Variants in GORASP2 observed in about 807,000 individuals in gnomAD.
GORASP2 encodes the protein Golgi reassembly-stacking protein 2.
A neutral mutation model predicts 45.7 loss-of-function variants in GORASP2; 22 were observed. That is an observed-to-expected ratio of 0.48 (90% confidence interval 0.34 to 0.69). GORASP2 has a LOEUF of 0.69. Ranked by LOEUF, GORASP2 falls within the 30% of genes least tolerant of loss-of-function variation. The pLI is 0.01. For synonymous variants in GORASP2, 221 were observed against 215.6 expected, an observed-to-expected ratio of 1.02 and a Z score of -0.22; for missense variants, 491 against 562.7, an observed-to-expected ratio of 0.87 and a Z score of 1.29.
chr2:170,947,452 T>G (rs3770440), intron 1 of GORASP2, among the ~76,000 whole-genome samples: 31,795 of 152,178 alleles, frequency 0.21, 3,958 homozygotes, highest in Non-Finnish European at 0.29. Flanking sequence ...CCACAATTCC[T>G]TATCACTTTT....
At chr2:170,934,545 G>A (rs1196720027) in intron 1 of GORASP2, among the ~76,000 whole-genome samples, 5 of 152,110 alleles carry the variant, frequency 3.3e-5, no homozygotes, top group Admixed American at 2.6e-4. Context: ...ACAGGTGTTA[G>A]CCACCACGCC....
At chr2:170,929,597 C>T (rs1032677383) in intron 1 of GORASP2, 194 bp downstream of exon 1, 3 of 571,736 alleles carry the variant, frequency 5.2e-6, no homozygotes, top group Non-Finnish European at 9.4e-6. Flanking sequence ...GCGCCCTGGG[C>T]ACGGGGTCCG....
rs1175954361 is a variant in GORASP2 at position 170,929,327 on chromosome 2, G to T, written c.-14G>T. On this transcript the variant is annotated 5_prime_UTR_variant, in exon 1 of 10. Transcript: ENST00000234160. ...GCGCGGAGCCCGGCTCGGCCACACC[G>T]ATCGCCCGCCGCCATGGGCTCCTCG... 1.5e-6 allele frequency: 2 copies of T among 1,357,746 alleles called. No individual in the cohort carries two copies. Among genetic ancestry groups the T allele is most frequent in the African/African-American group, 1.5e-5 (1 of 65,626 alleles). 84.1% of individuals were successfully genotyped at this position (1,357,746 alleles called of 1,614,324 possible). A position where few individuals can be genotyped will look rare whatever the true frequency, so the allele number is the denominator to read the frequency against.
At chr2:170,952,092 G>A (rs946758580) in intron 5 of GORASP2, among the ~76,000 whole-genome samples, 2 of 152,204 alleles carry the variant, frequency 1.3e-5, no homozygotes, top group African/African-American at 4.8e-5. Flanking sequence ...TACATTTGCA[G>A]AGAAGCTGCT....
intron 7 of GORASP2, among the ~76,000 whole-genome samples, chr2:170,957,954 T>C (rs1277027120): frequency 1.3e-5 from 2 of 152,200 alleles, no homozygotes; most frequent in African/African-American, 4.8e-5. Context: ...TCATGGCTCC[T>C]AGCCTCATTA....
chr2:170,946,492 A>G (rs1291536893), intron 1 of GORASP2, among the ~76,000 whole-genome samples: 2 of 152,318 alleles, frequency 1.3e-5, no homozygotes, highest in East Asian at 3.9e-4. Flanking sequence ...GGGATGATAA[A>G]CATTTGAGTT....
chr2:170,953,649 G>T (rs1413314714), intron 5 of GORASP2, among the ~76,000 whole-genome samples: 3 of 152,168 alleles, frequency 2.0e-5, no homozygotes, highest in Non-Finnish European at 4.4e-5. Context: ...AGGGGTTTTG[G>T]GTTCAAATGG....
In GORASP2 at chr2:170,966,139, C is replaced by G; in HGVS notation, c.*9C>G. 1 of 1,600,178 alleles carries G rather than the reference C, an allele frequency of 6.2e-7. No homozygotes were observed. Among genetic ancestry groups the G allele is most frequent in the Non-Finnish European group, 8.6e-7 (1 of 1,167,322 alleles). ...CTTCTGAGTCACCTTAACTTTGAAC[C>G]ATTCTTTGGAATTGGCGTGGTATAT... On this transcript the variant is annotated 3_prime_UTR_variant, in exon 10 of 10. Coordinates refer to ENST00000234160, the MANE Select transcript of GORASP2 (RefSeq NM_015530.5).
intron 2 of GORASP2, 161 bp from the exon 3 acceptor site, chr2:170,949,378 T>C (rs1704245618): frequency 6.9e-6 from 4 of 578,676 alleles, no homozygotes; most frequent in Non-Finnish European, 1.2e-5. Flanking sequence ...TCTTAATTTC[T>C]TGACATTCTT....
intron 1 of GORASP2, among the ~76,000 whole-genome samples, chr2:170,940,282 A>G (rs894220391): frequency 2.0e-5 from 3 of 152,156 alleles, no homozygotes; most frequent in Admixed American, 2.0e-4. Context: ...TTTCTTTGTT[A>G]CTTTAAGGTA....
chr2:170,940,430 TAA>T (rs1475528353), intron 1 of GORASP2, among the ~76,000 whole-genome samples: 1 of 152,104 alleles, frequency 6.6e-6, no homozygotes, highest in Non-Finnish European at 1.5e-5. Flanking sequence ...AGTGAAGAAT[TAA>T]AGAGAGAAAG....
chr2:170,934,480 G>A lies in GORASP2; in HGVS notation c.63+5077G>A, dbSNP rs888315221. On this transcript the variant is annotated intron_variant, in intron 1 of 9. Coordinates refer to ENST00000234160, the MANE Select transcript of GORASP2 (RefSeq NM_015530.5). ...TCACCATGTTGGCCAGGCTGTTCTC[G>A]AACTCCTGACCTCAAGTGATCCACC... 2.0e-5 allele frequency among the ~76,000 whole-genome samples: 3 copies of A among 151,848 alleles called. No homozygotes were observed. In the South Asian group the frequency reaches 6.2e-4, roughly 32 times the overall value.
intron 7 of GORASP2, among the ~76,000 whole-genome samples, chr2:170,960,246 C>T (rs1704525410): frequency 1.3e-5 from 2 of 152,290 alleles, no homozygotes; most frequent in South Asian, 2.1e-4. Flanking sequence ...GTGCCTTGAA[C>T]AATGTGTAAC....
At chr2:170,933,860 A>G (rs1703883834) in intron 1 of GORASP2, among the ~76,000 whole-genome samples, 1 of 152,132 alleles carries the variant, frequency 6.6e-6, no homozygotes, top group African/African-American at 2.4e-5. Flanking sequence ...TTTTGAAGGA[A>G]GGGTCATTGA....
rs890580607 is a variant in GORASP2, at chr2:170,962,888, C to T, written c.960C>T (p.Leu320=). ...AGLPNLPNLN[L]NLPAPHIMPG... ...TGCCCAACCTCCCCAACCTCAACCT[C>T]AACCTCCCAGCACCACACATCATGC... Residue 320 remains leucine (L), a synonymous_variant, in exon 9 of 10, where the codon CTC becomes CTT. Coordinates refer to ENST00000234160, the MANE Select transcript of GORASP2 (RefSeq NM_015530.5). 1.2e-6 allele frequency: 2 copies of T among 1,614,082 alleles called. No individual in the cohort carries two copies. The highest frequency in any genetic ancestry group is 1.1e-5 in the South Asian group (1 of 91,076).
At chr2:170,948,242 T>G (rs1704222328) in intron 1 of GORASP2, 108 bp from the exon 2 acceptor site, 2 of 711,490 alleles carry the variant, frequency 2.8e-6, no homozygotes, top group East Asian at 2.6e-5. Flanking sequence ...GCGTGTACTG[T>G]ATTTCATTAT....
rs145663658 is a variant in GORASP2, at chr2:170,955,218, GAAA to G, written c.699+441_699+443del. Among the ~76,000 whole-genome samples the G allele has an allele frequency of 5.3e-3, 802 of 152,202 alleles. 6 individuals carry two copies. Among genetic ancestry groups the G allele is most frequent in the African/African-American group, 0.018 (760 of 41,514 alleles). On this transcript the variant is annotated intron_variant, in intron 6 of 9. Coordinates refer to ENST00000234160, the MANE Select transcript of GORASP2 (RefSeq NM_015530.5). ...TGCAGAGAAGTCAGGTGAAAGGAGT[GAAA>G]AAAACCATGTCCTGGGCGAGAGCAA...
chr2:170,962,144 A>G (rs1297364097), intron 8 of GORASP2, among the ~76,000 whole-genome samples: 1 of 152,262 alleles, frequency 6.6e-6, no homozygotes, highest in East Asian at 1.9e-4. Flanking sequence ...GGTCTTCAGT[A>G]GCTCTAACAT....
At chr2:170,935,522 A>G (rs564460109) in intron 1 of GORASP2, among the ~76,000 whole-genome samples, 1 of 150,800 alleles carries the variant, frequency 6.6e-6, no homozygotes, top group African/African-American at 2.4e-5. Flanking sequence ...CCCAAAGTGT[A>G]GGGATTTCAG....
Sources: allele counts gnomAD v4.1 joint callset (sites outside exome capture counted in the v4.1 genomes callset), GRCh38; gene constraint gnomAD v4.1.1; transcripts MANE v1.5; gene names NCBI Gene and HGNC (gene_info 2026-07-23, HGNC 2026-07-21).